The following ATP13A4 variants were observed in gnomAD, a reference collection of about 807,000 sequenced individuals.
ATP13A4 encodes probable cation-transporting ATPase 13A4.
Under a neutral mutation model 142.5 loss-of-function variants are expected in ATP13A4, and 114 were observed. The ratio of observed to expected loss-of-function variants is 0.80; its 90% CI spans 0.69 to 0.93. The LOEUF is 0.93. Ranked by LOEUF, ATP13A4 falls within the 40% of genes least tolerant of loss-of-function variation. The probability of loss-of-function intolerance (pLI) is 0.00; values close to 1 mark genes in which losing one functional copy is unlikely to be tolerated. For missense variants in ATP13A4, 1,392 were observed against 1,454.0 expected (o/e 0.96, Z 0.69); for synonymous variants, 488 against 514.8 (o/e 0.95, Z 0.70).
At chr3:193,542,816 A>G (rs192288421) in intron 1 of ATP13A4, among the ~76,000 whole-genome samples, 593 of 152,290 alleles carry the variant, frequency 3.9e-3, no homozygotes, top group Non-Finnish European at 6.5e-3. Context: ...TACACCTTAT[A>G]CAAAAATTAA....
At chr3:193,484,859 T>A (rs1719512817) in intron 7 of ATP13A4, among the ~76,000 whole-genome samples, 1 of 152,108 alleles carries the variant, frequency 6.6e-6, no homozygotes, top group Non-Finnish European at 1.5e-5. Context: ...CATATATAAA[T>A]GTATAATGAC....
intron 3 of ATP13A4, among the ~76,000 whole-genome samples, chr3:193,498,313 T>C (rs953324321): frequency 6.6e-6 from 1 of 151,148 alleles, no homozygotes; most frequent in African/African-American, 2.4e-5. Flanking sequence ...TGGCAGCAAA[T>C]ACTAAAGAAC....
At chr3:193,573,297 A>ATGTG (rs1553862266) in intron 2 of ATP13A4, among the ~76,000 whole-genome samples, 1 of 108,954 alleles carries the variant, frequency 9.2e-6, no homozygotes, top group South Asian at 2.7e-4. Context: ...ATACACATAT[A>ATGTG]TATATATATA....
At chr3:193,463,450 G>T (rs1216917078) in intron 12 of ATP13A4, among the ~76,000 whole-genome samples, 1 of 146,674 alleles carries the variant, frequency 6.8e-6, no homozygotes, top group African/African-American at 2.5e-5. Flanking sequence ...AAAAAAAAAG[G>T]TGGTGGTATT....
chr3:193,582,406 C>T (rs1322934318), intron 1 of ATP13A4, among the ~76,000 whole-genome samples: 1 of 149,102 alleles, frequency 6.7e-6, no homozygotes, highest in Non-Finnish European at 1.5e-5. Flanking sequence ...CTCAGCCTCC[C>T]AAAGTGTTGG....
At chr3:193,431,639 T>C (rs1218074251) in intron 25 of ATP13A4, among the ~76,000 whole-genome samples, 1 of 151,482 alleles carries the variant, frequency 6.6e-6, no homozygotes, top group Non-Finnish European at 1.5e-5. Flanking sequence ...TTACTATATA[T>C]AAATATGCTT....
intron 8 of ATP13A4, among the ~76,000 whole-genome samples, chr3:193,473,250 C>T (rs192796046): frequency 4.2e-4 from 64 of 152,232 alleles, no homozygotes; most frequent in African/African-American, 1.4e-3. Context: ...AAATCTGTAA[C>T]AATTTGAACA....
chr3:193,498,189 T>C (rs189161032), intron 3 of ATP13A4, among the ~76,000 whole-genome samples: 143 of 152,232 alleles, frequency 9.4e-4, no homozygotes, highest in Non-Finnish European at 1.2e-3. Flanking sequence ...CCCATAAATA[T>C]GTACAATTAT....
chr3:193,458,704 T>C (rs1172745073), intron 14 of ATP13A4: 4 of 421,896 alleles, frequency 9.5e-6, no homozygotes, highest in Non-Finnish European at 1.3e-5. Context: ...GAGAAAGCAA[T>C]GTTTTCTGAT....
chr3:193,582,610 T>C (rs1202582248), intron 1 of ATP13A4, among the ~76,000 whole-genome samples: 7 of 109,722 alleles, frequency 6.4e-5, no homozygotes, highest in Admixed American at 1.1e-4. Context: ...ATATTACATG[T>C]ATATTATATA....
intron 25 of ATP13A4, among the ~76,000 whole-genome samples, chr3:193,428,692 C>CA (rs1394688233): frequency 6.7e-6 from 1 of 149,622 alleles, no homozygotes; most frequent in East Asian, 2.0e-4. Flanking sequence ...ATTGCAGGGA[C>CA]AAAAAACCAA....
intron 29 of ATP13A4, among the ~76,000 whole-genome samples, chr3:193,406,887 A>G (rs1218400524): frequency 6.6e-6 from 1 of 152,204 alleles, no homozygotes; most frequent in Non-Finnish European, 1.5e-5. Context: ...TAGTAGGTAC[A>G]GGATTTCTTT....
chr3:193,540,541 A>C (rs1024133267), intron 1 of ATP13A4, among the ~76,000 whole-genome samples: 24 of 151,292 alleles, frequency 1.6e-4, no homozygotes, highest in African/African-American at 5.8e-4. Context: ...AAAAAAAAAA[A>C]AAAAAAAAAA....
chr3:193,413,520 C>T (rs557999929), intron 26 of ATP13A4, among the ~76,000 whole-genome samples: 1 of 152,242 alleles, frequency 6.6e-6, no homozygotes, highest in African/African-American at 2.4e-5. Context: ...AATGGACATG[C>T]AAGTAGGGAA....
chr3:193,541,412 A>T (rs1722920559), intron 1 of ATP13A4, among the ~76,000 whole-genome samples: 1 of 149,958 alleles, frequency 6.7e-6, no homozygotes, highest in African/African-American at 2.4e-5. Context: ...ATCACAGATT[A>T]TCTATCTGTG....
chr3:193,430,741 C>A (rs1314560512), intron 25 of ATP13A4, among the ~76,000 whole-genome samples: 2 of 151,922 alleles, frequency 1.3e-5, no homozygotes, highest in Non-Finnish European at 2.9e-5. Flanking sequence ...CAGTGAGTGG[C>A]AATGTGGGTA....
In ATP13A4 at chr3:193,470,916, G is replaced by A. The variant is rs762977095; in HGVS notation, c.886C>T (p.Pro296Ser). The part of the protein sequence containing the change: ...LILTGNKVLM[P>S]CDAVLIEGSC... The stretch of plus-strand genomic sequence containing the variant: ...CCTTCAATCAGAACGGCATCACATG[G>A]CATTAGCACTTTGTTCCCTGTCAAA... Residue 296 changes from proline to serine, a missense_variant, in exon 9 of 30, where the codon CCA (proline) becomes TCA (serine). Physicochemically the swap from Pro to Ser is moderately conservative, Grantham distance 74 (BLOSUM62 -1). Transcript: ENST00000342695. 6 of 1,613,996 alleles carry A rather than the reference G, an allele frequency of 3.7e-6. No individual in the cohort carries two copies. In the African/African-American group the frequency reaches 8.0e-5, roughly 22 times the overall value.
At chr3:193,559,473 C>A (rs558917350), upstream of ATP13A4, among the ~76,000 whole-genome samples, 1 of 152,256 alleles carries the variant, frequency 6.6e-6, no homozygotes, top group East Asian at 1.9e-4. Context: ...TATTAATTAT[C>A]CTAATCTGCT....
chr3:193,588,232 A>C (rs1724702252), intron 1 of ATP13A4, among the ~76,000 whole-genome samples: 1 of 152,322 alleles, frequency 6.6e-6, no homozygotes, highest in Non-Finnish European at 1.5e-5. Flanking sequence ...AATGTGACCC[A>C]AAGCTTCACC....
Sources: gnomAD v4.1 joint callset for allele counts (sites outside exome capture counted in the v4.1 genomes callset) on GRCh38, gnomAD v4.1.1 for gene constraint, MANE v1.5 for transcripts, NCBI Gene and HGNC (gene_info 2026-07-23, HGNC 2026-07-21) for gene names.